The following MDM4 variants were observed in gnomAD, a reference collection of about 807,000 sequenced individuals.
MDM4 encodes the protein MDM4 regulator of p53.
In MDM4, 2 loss-of-function variants were observed where a neutral mutation model predicts 60.2. The observed-to-expected ratio is 0.03, with a 90% CI of 0.01 to 0.10. The LOEUF (loss-of-function observed/expected upper bound fraction) is 0.10. Among genes scored for constraint, MDM4 ranks in the 10% least tolerant of loss-of-function variants. The pLI, the probability that MDM4 is intolerant of heterozygous loss-of-function variation, is 1.00. For synonymous variants in MDM4, 202 were observed against 198.1 expected (o/e 1.02, Z -0.17); for missense variants, 447 against 577.5 (o/e 0.77, Z 2.32).
rs1014346207 is a variant in MDM4 at position 204,555,178 on chromosome 1, G to T, written c.*5496G>T. ...CATTTCTTTTTTTTTTTTTTTAGAC[G>T]GAGTCTCTCTCTGTCGCCCCGGCTG... On this transcript the variant is annotated 3_prime_UTR_variant, in exon 11 of 11. Transcript: ENST00000367182. 1.1e-5 allele frequency: 2 copies of T among 179,472 alleles called. No homozygotes were observed. Among genetic ancestry groups the T allele is most frequent in the Non-Finnish European group, 2.4e-5 (2 of 84,902 alleles). The allele number at this position is 179,472 out of a possible 1,614,324, so 11.1% of individuals were successfully genotyped here.
chr1:204,526,277 C>G lies in MDM4; in HGVS notation c.79-83C>G, dbSNP rs1201247761. On this transcript the variant is annotated intron_variant, in intron 2 of 10. Coordinates refer to ENST00000367182, the MANE Select transcript of MDM4 (RefSeq NM_002393.5). ...CCTCAAAAAACAAAAGCGGGGGGAG[C>G]TGTTTAAAGAGGTTCTCTTGTTCCA... 6 of 1,177,600 alleles carry G rather than the reference C, an allele frequency of 5.1e-6. No individual in the cohort carries two copies. The East Asian group carries it at 9.9e-5, about 20-fold the overall frequency. 72.9% of individuals were successfully genotyped at this position (1,177,600 alleles called of 1,614,324 possible). A position where few individuals can be genotyped will look rare whatever the true frequency, so the allele number is the denominator to read the frequency against.
chr1:204,523,473 A>AAT (rs1659780835), intron 1 of MDM4, among the ~76,000 whole-genome samples: 1 of 58,950 alleles, frequency 1.7e-5, no homozygotes, highest in Non-Finnish European at 2.8e-5. Context: ...CCTAAAAAAA[A>AAT]TTTTTTTTTT....
At chr1:204,539,261 C>T (rs962009202) in intron 7 of MDM4, among the ~76,000 whole-genome samples, 1 of 152,104 alleles carries the variant, frequency 6.6e-6, no homozygotes, top group Non-Finnish European at 1.5e-5. Context: ...GCTGGGATTA[C>T]AGGCGTGAGC....
At position 204,547,964 on chromosome 1, in the gene MDM4, C is replaced by T. The variant is rs1179844238; in HGVS notation, c.903+1087C>T. ...CTTGAACTTCTGATCTCAGGTGATC[C>T]GCCCGCCTCAGCCTCCCACAGTGCT... On this transcript the variant is annotated intron_variant, in intron 10 of 10. Transcript: ENST00000367182. 2.6e-5 allele frequency among the ~76,000 whole-genome samples: 4 copies of T among 152,170 alleles called. No individual in the cohort carries two copies. The East Asian group carries it at 5.8e-4, about 22-fold the overall frequency.
chr1:204,534,735 C>T (rs1661222636), intron 5 of MDM4, among the ~76,000 whole-genome samples: 1 of 152,062 alleles, frequency 6.6e-6, no homozygotes, highest in South Asian at 2.1e-4. Context: ...CAAGCGATCC[C>T]CCTTCTTCGG....
intron 5 of MDM4, chr1:204,532,698 A>T (rs1350438020): frequency 9.3e-6 from 14 of 1,508,100 alleles, no homozygotes; most frequent in Admixed American, 6.0e-5. Flanking sequence ...TTTGGTTGAT[A>T]TGTCTCATAA....
At chr1:204,533,276 C>T (rs1038002804) in intron 5 of MDM4, among the ~76,000 whole-genome samples, 5 of 152,164 alleles carry the variant, frequency 3.3e-5, no homozygotes, top group Non-Finnish European at 2.9e-5. Context: ...AATAATGAAA[C>T]TTTTTCCCTC....
At chr1:204,527,114 A>T (rs1389546467) in intron 3 of MDM4, among the ~76,000 whole-genome samples, 2 of 144,174 alleles carry the variant, frequency 1.4e-5, no homozygotes, top group Non-Finnish European at 3.0e-5. Flanking sequence ...GGGCAACATG[A>T]TGAAACCCTG....
chr1:204,552,717 A>G lies in MDM4; in HGVS notation c.*3035A>G, dbSNP rs1260179888. ...TTGACACATCATTGCCCATGAAAGA[A>G]TCCTCTTAGGCTGCTCAGCTTCACT... On this transcript the variant is annotated 3_prime_UTR_variant, in exon 11 of 11. Transcript: ENST00000367182. The G allele has an allele frequency of 3.3e-5, 6 of 182,516 alleles. No homozygotes were observed. The highest frequency in any genetic ancestry group is 1.4e-4 in the African/African-American group (6 of 42,432). The allele number at this position is 182,516 out of a possible 1,614,324, so 11.3% of individuals were successfully genotyped here.
Position 204,549,863 on chromosome 1 carries a change from A to C in MDM4, c.*181A>C. On this transcript the variant is annotated 3_prime_UTR_variant, in exon 11 of 11. Coordinates refer to ENST00000367182, the MANE Select transcript of MDM4 (RefSeq NM_002393.5). ...AGAACAGAAGTAATCTGATTAGTCA[A>C]ATTATTAAGTGCCATGGATTACTTT... 1 of 491,836 alleles carries C rather than the reference A, an allele frequency of 2.0e-6. No individual in the cohort carries two copies. Among genetic ancestry groups the C allele is most frequent in the South Asian group, 4.0e-5 (1 of 24,914 alleles). 30.5% of individuals were successfully genotyped at this position (491,836 alleles called of 1,614,324 possible). A position where few individuals can be genotyped will look rare whatever the true frequency, so the allele number is the denominator to read the frequency against.
chr1:204,529,611 G>GA (rs1265020618), intron 3 of MDM4: 2 of 1,189,270 alleles, frequency 1.7e-6, no homozygotes, highest in African/African-American at 3.1e-5. Context: ...ACTGGGGGGG[G>GA]TCCAAGGTAG....
chr1:204,520,277 CAAAAAAA>C, intron 1 of MDM4, among the ~76,000 whole-genome samples: 1 of 65,528 alleles, frequency 1.5e-5, no homozygotes, highest in East Asian at 4.7e-4. Context: ...GACTCCATCT[CAAAAAAA>C]AAAAAAAAAA....
intron 3 of MDM4, 125 bp from the exon 4 acceptor site, chr1:204,530,559 C>T: frequency 7.8e-7 from 1 of 1,281,166 alleles, no homozygotes. Context: ...CTTACACAAA[C>T]TTTGACAGTC....
At position 204,557,923 on chromosome 1, in the gene MDM4, TAATAATAAC is replaced by T. The variant is rs763197554; in HGVS notation, c.*8244_*8252del. On this transcript the variant is annotated 3_prime_UTR_variant, in exon 11 of 11. Transcript: ENST00000367182. ...CTTTCGCTAATAATAATAATAATAA[TAATAATAAC>T]AACAACTTATTGAATGTGGCCAGCT... 3.6e-4 allele frequency: 53 copies of T among 146,728 alleles called. No individual in the cohort carries two copies. The highest frequency in any genetic ancestry group is 5.8e-4 in the African/African-American group (18 of 30,888). 9.1% of individuals were successfully genotyped at this position (146,728 alleles called of 1,614,324 possible).
rs115948907 is a variant in MDM4, at chr1:204,538,079, G to A, written c.412-130G>A. The A allele has an allele frequency of 4.1e-3, 3,174 of 768,276 alleles. 18 individuals are homozygous for A. Among genetic ancestry groups the A allele is most frequent in the Non-Finnish European group, 6.3e-3 (2,596 of 413,790 alleles). 47.6% of individuals were successfully genotyped at this position (768,276 alleles called of 1,614,324 possible). On this transcript the variant is annotated intron_variant, in intron 6 of 10. Coordinates refer to ENST00000367182, the MANE Select transcript of MDM4 (RefSeq NM_002393.5). ...GTTGCCTTTATTTGATGACTGTTGT[G>A]AACTTGAGTTCTCTTTCTTGTGTGT...
At position 204,549,824 on chromosome 1, in the gene MDM4, G is replaced by T. The variant is rs1663030234; in HGVS notation, c.*142G>T. The stretch of plus-strand genomic sequence containing the variant: ...CCAAGGTAGCTGTAAGAAAAATACT[G>T]GAGCTAACAATGAAGAACAGAAGTA... On this transcript the variant is annotated 3_prime_UTR_variant, in exon 11 of 11. Coordinates refer to ENST00000367182, the MANE Select transcript of MDM4 (RefSeq NM_002393.5). 8 of 565,194 alleles carry T rather than the reference G, an allele frequency of 1.4e-5. No homozygotes were observed. The South Asian group carries it at 2.2e-4, about 16-fold the overall frequency. The allele number at this position is 565,194 out of a possible 1,614,324, so 35.0% of individuals were successfully genotyped here. A position where few individuals can be genotyped will look rare whatever the true frequency, so the allele number is the denominator to read the frequency against.
chr1:204,525,330 G>C, intron 1 of MDM4, 154 bp from the exon 2 acceptor site: 1 of 985,126 alleles, frequency 1.0e-6, no homozygotes. Flanking sequence ...CAGAAGATAT[G>C]CAGAACCTCA....
intron 6 of MDM4, chr1:204,537,941 G>A (rs1408962495): frequency 4.2e-6 from 3 of 715,352 alleles, no homozygotes; most frequent in African/African-American, 1.7e-5. Context: ...AGACTGGAGG[G>A]TTTATACAGA....
intron 5 of MDM4, among the ~76,000 whole-genome samples, chr1:204,536,264 A>C (rs1661415712): frequency 6.6e-6 from 1 of 152,206 alleles, no homozygotes; most frequent in Non-Finnish European, 1.5e-5. Context: ...ACAAACAAAA[A>C]AATTGCTCCA....
Sources: allele counts gnomAD v4.1 joint callset (sites outside exome capture counted in the v4.1 genomes callset), GRCh38; gene constraint gnomAD v4.1.1; transcripts MANE v1.5; gene names NCBI Gene and HGNC (gene_info 2026-07-23, HGNC 2026-07-21).